The following ATP5PB variants were observed in gnomAD, a reference collection of about 807,000 sequenced individuals.
The protein encoded by ATP5PB is ATP synthase peripheral stalk-membrane subunit b, also known as ATP synthase peripheral stalk subunit b, mitochondrial.
ATP5PB carries 21 observed loss-of-function variants against 34.5 expected under a neutral mutation model. That is an observed-to-expected ratio of 0.61 (90% CI 0.43 to 0.88). ATP5PB has a LOEUF of 0.88. Among genes scored for constraint, ATP5PB ranks in the 40% least tolerant of loss-of-function variants. The pLI, the probability that ATP5PB is intolerant of heterozygous loss-of-function variation, is 0.00. For synonymous variants in ATP5PB, 108 were observed against 114.1 expected (o/e 0.95, Z 0.34); for missense variants, 293 against 317.4 (o/e 0.92, Z 0.58).
rs1432895600 is a variant in ATP5PB at position 111,462,501 on chromosome 1, G to A, written c.*1507G>A. 4.6e-5 allele frequency: 7 copies of A among 152,040 alleles called. 1 individual carries two copies. The highest frequency in any genetic ancestry group is 4.6e-4 in the Admixed American group (7 of 15,274). The allele number at this position is 152,040 out of a possible 1,614,324, so 9.4% of individuals were successfully genotyped here. Reference sequence around the variant, plus strand: ...AATTAGAAAATTCTTCCCTTCATAGGTTTATCTGCATTTGATTCTCCCATA... The same window carrying A: ...AATTAGAAAATTCTTCCCTTCATAGATTTATCTGCATTTGATTCTCCCATA... On this transcript the variant is annotated 3_prime_UTR_variant, in exon 7 of 7. Coordinates refer to ENST00000369722, the MANE Select transcript of ATP5PB (RefSeq NM_001688.5).
chr1:111,454,320 T>G lies in ATP5PB; in HGVS notation c.187T>G (p.Phe63Val). The G allele has an allele frequency of 6.2e-7, 1 of 1,609,732 alleles. No homozygotes were observed. Among genetic ancestry groups the G allele is most frequent in the Admixed American group, 1.7e-5 (1 of 58,856 alleles). Residue 63 changes from phenylalanine to valine, a missense_variant, in exon 3 of 7, where the codon TTC (phenylalanine) becomes GTC (valine). Phe to Val is a conservative substitution (Grantham distance 50, BLOSUM62 -1). Transcript: ENST00000369722. The part of the protein sequence containing the change: ...KVRYGLIPEE[F>V]FQFLYPKTGV... The stretch of plus-strand genomic sequence containing the variant: ...TCGTTATGGACTGATCCCTGAGGAA[T>G]TCTTCCAGTTTCTTTATCCTAAAAC...
chr1:111,453,968 G>A (rs898102503), intron 2 of ATP5PB, among the ~76,000 whole-genome samples: 1 of 152,222 alleles, frequency 6.6e-6, no homozygotes, highest in African/African-American at 2.4e-5. Flanking sequence ...CAGATGATCT[G>A]CAAGGCTGAT....
chr1:111,456,341 C>A (rs995942320), intron 4 of ATP5PB, 92 bp downstream of exon 4: 1 of 1,312,166 alleles, frequency 7.6e-7, no homozygotes, highest in Non-Finnish European at 1.0e-6. Context: ...AGGGGAGCAA[C>A]ATATAGAAAT....
intron 2 of ATP5PB, 123 bp from the exon 3 acceptor site, chr1:111,454,088 T>C: frequency 9.3e-7 from 1 of 1,079,642 alleles, no homozygotes; most frequent in Admixed American, 3.4e-5. Context: ...CCATTCTCTT[T>C]CCATTATGAG....
At chr1:111,455,617 T>C (rs1264022589) in intron 3 of ATP5PB, among the ~76,000 whole-genome samples, 1 of 152,250 alleles carries the variant, frequency 6.6e-6, no homozygotes, top group Non-Finnish European at 1.5e-5. Context: ...TCCTTTTATA[T>C]ACATATCACT....
chr1:111,451,267 T>C (rs980342649), intron 2 of ATP5PB, among the ~76,000 whole-genome samples: 2 of 152,228 alleles, frequency 1.3e-5, no homozygotes, highest in African/African-American at 4.8e-5. Context: ...CCAACCTTGG[T>C]GTTCCTCTGA....
At position 111,449,871 on chromosome 1, in the gene ATP5PB, A is replaced by G. The variant is rs1337095004; in HGVS notation, c.75A>G (p.Pro25=). 2.5e-6 allele frequency: 4 copies of G among 1,614,054 alleles called. No individual in the cohort carries two copies. The highest frequency in any genetic ancestry group is 2.2e-5 in the East Asian group (1 of 44,896). The change falls in exon 2 of 7, where the codon CCA becomes CCG. Residue 25 remains proline (P), a splice_region_variant and synonymous_variant. Coordinates refer to ENST00000369722, the MANE Select transcript of ATP5PB (RefSeq NM_001688.5). ...TGAAGAATGCAGCCTTCCTAGGTCCAGGGTAAGTGTGAGGATAATGCTCCC... is the reference window on the plus strand; with the variant it reads ...TGAAGAATGCAGCCTTCCTAGGTCCGGGGTAAGTGTGAGGATAATGCTCCC... ...PSLKNAAFLG[P]GVLQATRTFH...
intron 3 of ATP5PB, 86 bp downstream of exon 3, chr1:111,454,442 TTGTTG>T (rs1282210617): frequency 2.9e-6 from 4 of 1,370,084 alleles, no homozygotes; most frequent in Non-Finnish European, 2.9e-6. Flanking sequence ...TTGGTTTTTG[TTGTTG>T]TTGTTGTTGT....
At chr1:111,452,387 C>T (rs932056333) in intron 2 of ATP5PB, among the ~76,000 whole-genome samples, 2 of 113,834 alleles carry the variant, frequency 1.8e-5, no homozygotes, top group African/African-American at 7.1e-5. Flanking sequence ...GGCAAAACCC[C>T]GTCTCTCCTA....
At chr1:111,455,209 T>C (rs1653438988) in intron 3 of ATP5PB, among the ~76,000 whole-genome samples, 1 of 152,194 alleles carries the variant, frequency 6.6e-6, no homozygotes, top group African/African-American at 2.4e-5. Context: ...CTGAAATTGC[T>C]AGAAACATTA....
At chr1:111,452,875 C>T (rs1177007395) in intron 2 of ATP5PB, among the ~76,000 whole-genome samples, 1 of 152,158 alleles carries the variant, frequency 6.6e-6, no homozygotes, top group African/African-American at 2.4e-5. Context: ...ACAGAACAAC[C>T]TCTTACAACA....
At chr1:111,453,901 G>T (rs1050550061) in intron 2 of ATP5PB, among the ~76,000 whole-genome samples, 1 of 152,164 alleles carries the variant, frequency 6.6e-6, no homozygotes, top group Non-Finnish European at 1.5e-5. Context: ...CTATCTGACC[G>T]CCACGTCCAC....
At chr1:111,458,368 T>C (rs1653528809) in intron 5 of ATP5PB, among the ~76,000 whole-genome samples, 1 of 152,228 alleles carries the variant, frequency 6.6e-6, no homozygotes, top group Non-Finnish European at 1.5e-5. Context: ...GTCACTGTTT[T>C]TATAGGGCAT....
At chr1:111,449,810 G>C (rs556250340) in intron 1 of ATP5PB, 27 bp from the exon 2 acceptor site, 1 of 1,614,126 alleles carries the variant, frequency 6.2e-7, no homozygotes, top group Non-Finnish European at 8.5e-7. Context: ...ATTTGACTTT[G>C]CTGACCTTCG....
intron 2 of ATP5PB, among the ~76,000 whole-genome samples, chr1:111,451,915 G>C (rs1027558741): frequency 6.6e-6 from 1 of 152,136 alleles, no homozygotes; most frequent in East Asian, 1.9e-4. Flanking sequence ...TTCAAGACTA[G>C]CCTGGGCAAC....
At position 111,456,223 on chromosome 1, in the gene ATP5PB, G is replaced by A. The variant is rs371319407; in HGVS notation, c.361G>A (p.Ala121Thr). The change falls in exon 4 of 7, where the codon GCA (alanine) becomes ACA (threonine). Residue 121 changes from alanine (A) to threonine (T), a missense_variant. Ala to Thr is a moderately conservative substitution (Grantham distance 58, BLOSUM62 0). Coordinates refer to ENST00000369722, the MANE Select transcript of ATP5PB (RefSeq NM_001688.5). ...YGIKKYGPFV[A>T]DFADKLNEQK... is the part of the protein sequence containing the mutation. ...AATTAAAAAATATGGTCCCTTTGTT[G>A]CAGACTTTGCTGATAAACTCAATGA... is the stretch of plus-strand genomic sequence containing the variant. 2.4e-5 allele frequency: 39 copies of A among 1,603,820 alleles called. No homozygotes were observed. The highest frequency in any genetic ancestry group is 2.7e-5 in the Non-Finnish European group (32 of 1,176,320).
At chr1:111,452,121 A>C (rs78684013) in intron 2 of ATP5PB, among the ~76,000 whole-genome samples, 1 of 105,110 alleles carries the variant, frequency 9.5e-6, no homozygotes, top group Non-Finnish European at 1.7e-5. Context: ...CTTTGTCTCA[A>C]AAAAAAAAAA....
At chr1:111,459,399 G>A in intron 5 of ATP5PB, 58 bp from the exon 6 acceptor site, 1 of 1,493,040 alleles carries the variant, frequency 6.7e-7, no homozygotes, top group South Asian at 1.4e-5. Context: ...AATCTTCAGA[G>A]TAGAAGTATT....
At chr1:111,459,405 G>A in intron 5 of ATP5PB, 52 bp from the exon 6 acceptor site, 3 of 1,517,590 alleles carry the variant, frequency 2.0e-6, no homozygotes, top group Non-Finnish European at 1.8e-6. Flanking sequence ...CAGAGTAGAA[G>A]TATTCCTTCA....
Sources: allele counts gnomAD v4.1 joint callset (sites outside exome capture counted in the v4.1 genomes callset), GRCh38; gene constraint gnomAD v4.1.1; transcripts MANE v1.5; gene names NCBI Gene and HGNC (gene_info 2026-07-23, HGNC 2026-07-21).